LRRD1: variants seen among roughly 807,000 people sequenced by gnomAD.
LRRD1 encodes the protein leucine-rich repeat and death domain-containing protein 1.
In LRRD1, 49 loss-of-function variants were observed where a neutral mutation model predicts 69.5. The ratio of observed to expected loss-of-function variants is 0.70; its 90% confidence interval spans 0.56 to 0.89. The LOEUF is 0.89. Among genes scored for constraint, LRRD1 ranks in the 40% least tolerant of loss-of-function variants. The pLI is 0.00. For synonymous variants in LRRD1, 303 were observed against 338.9 expected (o/e 0.89, Z 1.16); for missense variants, 853 against 956.0 (o/e 0.89, Z 1.42).
In LRRD1 at chr7:92,164,077, T is replaced by C. The variant is rs188120435; in HGVS notation, c.1126A>G (p.Ile376Val). ...HKIENFRELR[I>V]LILDKNLLKN... ...AATAAATTTTTATCAAGTATAAGAA[T>C]CCTAAGTTCCCTGAAATTCTCAATT... Residue 376 changes from isoleucine (I) to valine (V), a missense_variant, in exon 2 of 6, where the codon ATT becomes GTT. Physicochemically the swap from Ile to Val is conservative, Grantham distance 29. Transcript: ENST00000458448. The C allele has an allele frequency of 1.0e-5, 16 of 1,547,420 alleles. No homozygotes were observed. Among genetic ancestry groups the C allele is most frequent in the Admixed American group, 9.9e-5 (5 of 50,322 alleles).
At position 92,145,686 on chromosome 7, in the gene LRRD1, G is replaced by A. The variant is rs182050986; in HGVS notation, c.2396+397C>T. 7.8e-3 allele frequency among the ~76,000 whole-genome samples: 1,187 copies of A among 152,112 alleles called. 11 individuals are homozygous for A. Among genetic ancestry groups the A allele is most frequent in the Non-Finnish European group, 0.01 (703 of 67,986 alleles). On this transcript the variant is annotated intron_variant, in intron 5 of 5. Transcript: ENST00000458448. ...AATCTCCTAACCTCGTGATCCACCC[G>A]CCTCAGCTTCCCTAAATGCTGGGAT...
chr7:92,157,029 C>CTT (rs34543093), intron 3 of LRRD1, among the ~76,000 whole-genome samples: 10 of 111,772 alleles, frequency 8.9e-5, no homozygotes, highest in Admixed American at 2.8e-4. Flanking sequence ...ATGATATTTG[C>CTT]TTTTTTTTTT....
At position 92,164,095 on chromosome 7, in the gene LRRD1, T is replaced by G. The variant is rs1230397551; in HGVS notation, c.1108A>C (p.Asn370His). Residue 370 changes from asparagine (N) to histidine (H), a missense_variant, in exon 2 of 6, where the codon AAT (asparagine) becomes CAT (histidine). Transcript: ENST00000458448. ...ATAAGAATCCTAAGTTCCCTGAAAT[T>G]CTCAATTTTGTGTGAAATAACTTCC... ...KLEVISHKIE[N>H]FRELRILILD... 1.3e-6 allele frequency: 2 copies of G among 1,548,686 alleles called. No homozygotes were observed. The highest frequency in any genetic ancestry group is 1.7e-6 in the Non-Finnish European group (2 of 1,145,764).
intron 1 of LRRD1, among the ~76,000 whole-genome samples, chr7:92,169,559 A>G (rs952281907): frequency 3.3e-5 from 5 of 151,182 alleles, no homozygotes; most frequent in Non-Finnish European, 5.9e-5. Context: ...GCTGAGGCAG[A>G]TAACTGCTTA....
At chr7:92,158,933 C>T (rs1314524973) in intron 3 of LRRD1, 72 bp downstream of exon 3, 13 of 1,225,722 alleles carry the variant, frequency 1.1e-5, no homozygotes, top group Non-Finnish European at 1.5e-5. Context: ...TGTATCTTGT[C>T]AGCAAAATTT....
chr7:92,167,437 G>C (rs1347126064), intron 1 of LRRD1, among the ~76,000 whole-genome samples: 1 of 151,650 alleles, frequency 6.6e-6, no homozygotes, highest in Non-Finnish European at 1.5e-5. Flanking sequence ...TTGATATAAG[G>C]GGAAGATAGA....
Position 92,164,147 on chromosome 7 carries a change from T to C in LRRD1, c.1056A>G (p.Lys352=). The change falls in exon 2 of 6, where the codon AAA becomes AAG. Residue 352 remains lysine, a synonymous_variant. Coordinates refer to ENST00000458448, the MANE Select transcript of LRRD1 (RefSeq NM_001161528.2). ...AVEIFQLLKI[K]ELQLADNKLE... ...ATTTATTGTCGGCCAGTTGGAGTTC[T>C]TTTATTTTGAGTAACTGAAAAATTT... is the stretch of plus-strand genomic sequence containing the variant. 1 of 1,549,036 alleles carries C rather than the reference T, an allele frequency of 6.5e-7. No homozygotes were observed. Among genetic ancestry groups the C allele is most frequent in the Non-Finnish European group, 8.7e-7 (1 of 1,146,288 alleles).
At chr7:92,143,219 T>C (rs972640304), downstream of LRRD1, among the ~76,000 whole-genome samples, 2 of 151,834 alleles carry the variant, frequency 1.3e-5, no homozygotes, top group Non-Finnish European at 2.9e-5. Flanking sequence ...AGATACAGAG[T>C]GCCGATTGGT....
chr7:92,172,465 T>G (rs1198252989), intron 1 of LRRD1, among the ~76,000 whole-genome samples: 1 of 152,086 alleles, frequency 6.6e-6, no homozygotes, highest in Admixed American at 6.6e-5. Flanking sequence ...CTAAAAAATT[T>G]GTTAGAACTA....
chr7:92,150,414 G>A (rs547469112), intron 4 of LRRD1, 120 bp downstream of exon 4: 34 of 829,852 alleles, frequency 4.1e-5, no homozygotes, highest in Non-Finnish European at 4.8e-5. Flanking sequence ...GCAGTGAGTC[G>A]TGATCATGCC....
chr7:92,167,187 C>T lies in LRRD1; in HGVS notation c.-74-1911G>A, dbSNP rs527272454. 2.4e-4 allele frequency among the ~76,000 whole-genome samples: 37 copies of T among 151,922 alleles called. No individual in the cohort carries two copies. In the East Asian group the frequency reaches 6.4e-3, roughly 26 times the overall value. On this transcript the variant is annotated intron_variant, in intron 1 of 5. Transcript: ENST00000458448. ...CTTGGCTCACTGCAACCTCCGACTC[C>T]CTGGTTCAAGTGATTCTCCTGCCTC...
chr7:92,159,334 T>A, intron 2 of LRRD1, 131 bp from the exon 3 acceptor site: 1 of 637,304 alleles, frequency 1.6e-6, no homozygotes, highest in Non-Finnish European at 2.5e-6. Flanking sequence ...TTTTTTATTA[T>A]GTCACAAATT....
At chr7:92,162,480 C>T (rs1788811902) in intron 2 of LRRD1, among the ~76,000 whole-genome samples, 1 of 152,034 alleles carries the variant, frequency 6.6e-6, no homozygotes, top group Non-Finnish European at 1.5e-5. Context: ...CTAAGATCTT[C>T]ATATAAATCA....
chr7:92,144,750 A>G (rs1820273113), downstream of LRRD1: 1 of 468,310 alleles, frequency 2.1e-6, no homozygotes, highest in Admixed American at 3.7e-5. Flanking sequence ...TGATAGTTAT[A>G]AGTTGTCATC....
At chr7:92,151,201 G>A (rs1820458180) in intron 3 of LRRD1, among the ~76,000 whole-genome samples, 1 of 152,066 alleles carries the variant, frequency 6.6e-6, no homozygotes, top group African/African-American at 2.4e-5. Flanking sequence ...TCTGTTTCAG[G>A]AAATCTCATT....
chr7:92,158,386 AATAT>A (rs1262853990), intron 3 of LRRD1, among the ~76,000 whole-genome samples: 2 of 151,422 alleles, frequency 1.3e-5, no homozygotes, highest in Admixed American at 6.6e-5. Context: ...CAAACAGATA[AATAT>A]ATATGTGTAT....
downstream of LRRD1, among the ~76,000 whole-genome samples, chr7:92,144,280 C>T (rs749561375): frequency 6.6e-5 from 10 of 152,252 alleles, no homozygotes; most frequent in Non-Finnish European, 1.5e-4. Context: ...AGTAATGTTG[C>T]TACTTATAAA....
At chr7:92,170,249 A>G (rs1789023797) in intron 1 of LRRD1, among the ~76,000 whole-genome samples, 1 of 152,158 alleles carries the variant, frequency 6.6e-6, no homozygotes, top group Non-Finnish European at 1.5e-5. Context: ...GATACAAAAA[A>G]TTACCTCAAA....
chr7:92,178,375 T>C, intron 1 of LRRD1, among the ~76,000 whole-genome samples: 1 of 151,330 alleles, frequency 6.6e-6, no homozygotes, highest in South Asian at 2.1e-4. Flanking sequence ...ATTAAGAATC[T>C]CACTTAAAAA....
Sources: allele counts gnomAD v4.1 joint callset (sites outside exome capture counted in the v4.1 genomes callset), GRCh38; gene constraint gnomAD v4.1.1; transcripts MANE v1.5; gene names NCBI Gene and HGNC (gene_info 2026-07-23, HGNC 2026-07-21).